Variants in DCC observed in about 807,000 individuals in gnomAD.
The protein encoded by DCC is netrin receptor DCC.
Under a neutral mutation model 172.5 loss-of-function variants are expected in DCC, and 58 were observed. The ratio of observed to expected loss-of-function variants is 0.34; its 90% CI spans 0.27 to 0.42. DCC has a LOEUF of 0.42. DCC is among the 10% of genes least tolerant of loss of function. DCC has a pLI of 1.00. For synonymous variants in DCC, 709 were observed against 644.5 expected, an observed-to-expected ratio of 1.10 and a Z score of -1.52; for missense variants, 1,740 against 1,791.0, an observed-to-expected ratio of 0.97 and a Z score of 0.51.
intron 1 of DCC, among the ~76,000 whole-genome samples, chr18:52,456,145 T>G (rs553599795): frequency 6.6e-6 from 1 of 152,220 alleles, no homozygotes; most frequent in Non-Finnish European, 1.5e-5. Context: ...TATATTTATT[T>G]AAATATATTG....
chr18:52,632,840 C>A (rs1190117793), intron 1 of DCC, among the ~76,000 whole-genome samples: 1 of 152,194 alleles, frequency 6.6e-6, no homozygotes, highest in Admixed American at 6.5e-5. Flanking sequence ...CTCCTTGCAT[C>A]CCTGCTAAAC....
intron 2 of DCC, chr18:52,757,313 A>G (rs994899567): frequency 3.9e-5 from 6 of 152,248 alleles, no homozygotes; most frequent in Non-Finnish European, 8.8e-5. Flanking sequence ...AAGCTGGTTC[A>G]TGGGAGTTCA....
chr18:53,161,321 T>C (rs2054836194), intron 8 of DCC, among the ~76,000 whole-genome samples: 1 of 152,194 alleles, frequency 6.6e-6, no homozygotes, highest in African/African-American at 2.4e-5. Context: ...TTTGTCACAT[T>C]TGATCATTTC....
chr18:53,371,265 T>C (rs1295147273), intron 15 of DCC, among the ~76,000 whole-genome samples: 1 of 152,004 alleles, frequency 6.6e-6, no homozygotes, highest in East Asian at 1.9e-4. Context: ...TTAAATTATA[T>C]ACTCAAAATA....
rs138342852 is a variant in DCC, at chr18:53,150,681, C to A, written c.1262-6675C>A. On this transcript the variant is annotated intron_variant, in intron 7 of 28. Transcript: ENST00000442544. ...CACTCTAACTGAAACCTGAAGGAGG[C>A]CCCCACGTCAGGGCAGCAAAGCAAT... is the stretch of plus-strand genomic sequence containing the variant. Among the ~76,000 whole-genome samples the A allele has an allele frequency of 5.9e-5, 9 of 152,264 alleles. No homozygotes were observed. The East Asian group carries it at 1.7e-3, about 29-fold the overall frequency.
intron 5 of DCC, among the ~76,000 whole-genome samples, chr18:52,969,582 C>CACTCTCTCTCT (rs60961374): frequency 5.5e-4 from 44 of 80,080 alleles, no homozygotes; most frequent in Middle Eastern, 6.7e-3. Flanking sequence ...GCCCCGCCCC[C>CACTCTCTCTCT]CACTCTCTCT....
chr18:52,346,728 C>T (rs1983895374), intron 1 of DCC, among the ~76,000 whole-genome samples: 1 of 152,090 alleles, frequency 6.6e-6, no homozygotes. Context: ...GTAGGAAACA[C>T]ACAAATCATT....
At chr18:52,804,923 A>G (rs1235587715) in intron 2 of DCC, among the ~76,000 whole-genome samples, 1 of 152,180 alleles carries the variant, frequency 6.6e-6, no homozygotes, top group Non-Finnish European at 1.5e-5. Flanking sequence ...TGTTTCTTCT[A>G]GTTGTCCATA....
At chr18:53,256,968 G>A (rs1357217855) in intron 12 of DCC, among the ~76,000 whole-genome samples, 1 of 152,110 alleles carries the variant, frequency 6.6e-6, no homozygotes, top group Non-Finnish European at 1.5e-5. Context: ...TATTCTCTTT[G>A]AAGCAATTGT....
chr18:53,174,871 A>T (rs371148219), intron 8 of DCC, among the ~76,000 whole-genome samples: 1 of 152,030 alleles, frequency 6.6e-6, no homozygotes. Context: ...GAGACACAAC[A>T]AAAAAAGAGA....
At chr18:53,107,778 G>A (rs944189463) in intron 7 of DCC, among the ~76,000 whole-genome samples, 4 of 151,822 alleles carry the variant, frequency 2.6e-5, no homozygotes, top group Non-Finnish European at 4.4e-5. Flanking sequence ...GTTTGCCATC[G>A]TATAATAGCT....
At chr18:52,957,764 T>C (rs150730216) in intron 5 of DCC, among the ~76,000 whole-genome samples, 2,066 of 152,194 alleles carry the variant, frequency 0.014, 62 homozygotes, top group African/African-American at 0.048. Context: ...TTGTGCTCCA[T>C]GTGCGAAGAA....
Position 53,086,308 on chromosome 18 carries a change from C to T in DCC, c.1261+20142C>T, listed in dbSNP as rs2042897748. On this transcript the variant is annotated intron_variant, in intron 7 of 28. Transcript: ENST00000442544. ...TTCTTCTTCTTCTTCCTTTCTTCTT[C>T]TTCTTCTTCTTCTTCCTTTCTTCTT... Among the ~76,000 whole-genome samples the T allele has an allele frequency of 5.4e-5, 2 of 37,130 alleles. 1 individual carries two copies. Among genetic ancestry groups the T allele is most frequent in the South Asian group, 1.1e-3 (2 of 1,786 alleles). The allele number at this position is 37,130 out of a possible 152,430, so 24.4% of individuals were successfully genotyped here.
At chr18:52,399,326 G>T (rs1986350844) in intron 1 of DCC, among the ~76,000 whole-genome samples, 1 of 151,838 alleles carries the variant, frequency 6.6e-6, no homozygotes, top group Non-Finnish European at 1.5e-5. Flanking sequence ...TTCCAGCATT[G>T]TCTGGTCAAG....
At chr18:52,636,811 G>C (rs192750813) in intron 1 of DCC, among the ~76,000 whole-genome samples, 1 of 152,136 alleles carries the variant, frequency 6.6e-6, no homozygotes, top group Non-Finnish European at 1.5e-5. Context: ...CCCTCTCCAT[G>C]CTACTTACAG....
At chr18:53,463,168 C>A (rs1261885504) in intron 24 of DCC, among the ~76,000 whole-genome samples, 1 of 152,210 alleles carries the variant, frequency 6.6e-6, no homozygotes, top group Non-Finnish European at 1.5e-5. Context: ...GATAGAATTG[C>A]CTCACTGCCC....
intron 1 of DCC, among the ~76,000 whole-genome samples, chr18:52,517,416 G>C (rs753733032): frequency 6.6e-6 from 1 of 152,162 alleles, no homozygotes; most frequent in South Asian, 2.1e-4. Context: ...AAGGTGCTGC[G>C]TAGAATTTAG....
chr18:52,547,101 A>C (rs2032638049), intron 1 of DCC, among the ~76,000 whole-genome samples: 1 of 152,170 alleles, frequency 6.6e-6, no homozygotes, highest in South Asian at 2.1e-4. Flanking sequence ...AGGTAAACTT[A>C]GAATCCCTTT....
intron 5 of DCC, among the ~76,000 whole-genome samples, chr18:53,039,228 G>T (rs2042136977): frequency 6.6e-6 from 1 of 151,972 alleles, no homozygotes; most frequent in South Asian, 2.1e-4. Flanking sequence ...TTAACATCCA[G>T]GTCTCTGCAC....
Sources: gnomAD v4.1 joint callset for allele counts (sites outside exome capture counted in the v4.1 genomes callset) on GRCh38, gnomAD v4.1.1 for gene constraint, MANE v1.5 for transcripts, NCBI Gene and HGNC (gene_info 2026-07-23, HGNC 2026-07-21) for gene names.